The following PPP6C variants were observed in gnomAD, a reference collection of about 807,000 sequenced individuals.
PPP6C encodes protein phosphatase 6 catalytic subunit, also known as serine/threonine-protein phosphatase 6 catalytic subunit.
A neutral mutation model predicts 39.8 loss-of-function variants in PPP6C; 11 were observed. That is an observed-to-expected ratio of 0.28 (90% CI 0.17 to 0.46). The LOEUF (loss-of-function observed/expected upper bound fraction) is 0.46. PPP6C is among the 20% of genes least tolerant of loss of function. The pLI, the probability that PPP6C is intolerant of heterozygous loss-of-function variation, is 1.00. For missense variants in PPP6C, 211 were observed against 373.9 expected (o/e 0.56, Z 3.59); for synonymous variants, 129 against 130.3 (o/e 0.99, Z 0.07).
At chr9:125,185,226 C>A (rs1829500645) in intron 1 of PPP6C, among the ~76,000 whole-genome samples, 2 of 151,742 alleles carry the variant, frequency 1.3e-5, no homozygotes, top group Non-Finnish European at 2.9e-5. Context: ...ACACTGTGGT[C>A]CATTTACTTT....
At chr9:125,157,760 G>A (rs1253116927) in intron 4 of PPP6C, among the ~76,000 whole-genome samples, 1 of 147,410 alleles carries the variant, frequency 6.8e-6, no homozygotes, top group African/African-American at 2.5e-5. Context: ...GCATGATCTC[G>A]GCTCACCACA....
intron 1 of PPP6C, among the ~76,000 whole-genome samples, chr9:125,181,365 G>A (rs1829418577): frequency 6.6e-6 from 1 of 151,662 alleles, no homozygotes; most frequent in Admixed American, 6.6e-5. Context: ...CTTAAGTTCT[G>A]GGACACATGT....
chr9:125,152,212 G>T (rs1359867745), intron 6 of PPP6C, among the ~76,000 whole-genome samples: 1 of 152,032 alleles, frequency 6.6e-6, no homozygotes, highest in African/African-American at 2.4e-5. Context: ...ATGTAGCTTG[G>T]ATTCTCTTTT....
intron 6 of PPP6C, chr9:125,151,320 T>C: frequency 6.8e-7 from 1 of 1,460,034 alleles, no homozygotes; most frequent in East Asian, 2.3e-5. Flanking sequence ...TGTGGCACAA[T>C]CTGCCATGCA....
At chr9:125,159,656 A>G (rs1179154163) in intron 3 of PPP6C, among the ~76,000 whole-genome samples, 1 of 152,202 alleles carries the variant, frequency 6.6e-6, no homozygotes, top group Non-Finnish European at 1.5e-5. Flanking sequence ...ATAATATACT[A>G]TTTACACTTC....
At chr9:125,174,422 C>T (rs1829250712) in intron 1 of PPP6C, among the ~76,000 whole-genome samples, 1 of 149,786 alleles carries the variant, frequency 6.7e-6, no homozygotes, top group South Asian at 2.1e-4. Context: ...AATGATTTGC[C>T]TTCATTCCTA....
chr9:125,170,300 G>A (rs1829118861), intron 2 of PPP6C, among the ~76,000 whole-genome samples: 1 of 151,382 alleles, frequency 6.6e-6, no homozygotes, highest in African/African-American at 2.4e-5. Context: ...GCAGTGGTGC[G>A]GTCTCGGCTC....
At chr9:125,183,544 G>C (rs374614087) in intron 1 of PPP6C, among the ~76,000 whole-genome samples, 94 of 152,124 alleles carry the variant, frequency 6.2e-4, no homozygotes, top group African/African-American at 2.1e-3. Flanking sequence ...TAGTGTTCAT[G>C]CACCACCTAA....
At chr9:125,181,600 C>T (rs1829423096) in intron 1 of PPP6C, among the ~76,000 whole-genome samples, 1 of 152,204 alleles carries the variant, frequency 6.6e-6, no homozygotes, top group South Asian at 2.1e-4. Context: ...GTTTTCTGTT[C>T]CTGTGTTAGT....
At chr9:125,176,327 A>G (rs1189664784) in intron 1 of PPP6C, among the ~76,000 whole-genome samples, 1 of 152,160 alleles carries the variant, frequency 6.6e-6, no homozygotes, top group Non-Finnish European at 1.5e-5. Context: ...GAAGTTCTAG[A>G]GCAGAAGACT....
chr9:125,152,585 C>T (rs569213429), intron 6 of PPP6C, among the ~76,000 whole-genome samples: 85 of 152,240 alleles, frequency 5.6e-4, no homozygotes, highest in African/African-American at 2.0e-3. Context: ...AATCCCAGCA[C>T]CTTGGGAGAC....
intron 1 of PPP6C, among the ~76,000 whole-genome samples, chr9:125,186,720 A>G (rs78698851): frequency 0.027 from 4,159 of 151,942 alleles, 88 homozygotes; most frequent in Non-Finnish European, 0.041. Context: ...ACCACACTAC[A>G]GCATGGGTGA....
chr9:125,172,725 AC>A (rs1829200296), intron 1 of PPP6C, among the ~76,000 whole-genome samples: 2 of 120,498 alleles, frequency 1.7e-5, no homozygotes, highest in Non-Finnish European at 3.1e-5. Flanking sequence ...ACACAAACAC[AC>A]ACACACACAC....
chr9:125,186,777 T>C (rs1231993478), intron 1 of PPP6C, among the ~76,000 whole-genome samples: 7 of 151,256 alleles, frequency 4.6e-5, no homozygotes, highest in Non-Finnish European at 1.0e-4. Flanking sequence ...AGATTAAAAA[T>C]TTTTTTAAGA....
At chr9:125,164,131 A>C (rs118134697) in intron 2 of PPP6C, among the ~76,000 whole-genome samples, 2,287 of 148,230 alleles carry the variant, frequency 0.015, 109 homozygotes, top group East Asian at 0.084. Context: ...GCCACAGCAC[A>C]CGGCCCTATT....
rs771468480 is a variant in PPP6C, at chr9:125,153,490, A to C, written c.669+43T>G. Reference sequence around the variant, plus strand: ...GCCACCATAGTTCTCTATGCAGCCCATTAGCAATCCACAAATTACATTTCC... The same window carrying C: ...GCCACCATAGTTCTCTATGCAGCCCCTTAGCAATCCACAAATTACATTTCC... On this transcript the variant is annotated intron_variant, in intron 6 of 6. Coordinates refer to ENST00000373547, the MANE Select transcript of PPP6C (RefSeq NM_002721.5). 4 of 1,571,256 alleles carry C rather than the reference A, an allele frequency of 2.5e-6. No homozygotes were observed. The Admixed American group carries it at 5.2e-5, about 21-fold the overall frequency.
At position 125,149,562 on chromosome 9, in the gene PPP6C, G is replaced by C; in HGVS notation, c.*111C>G. 8.1e-7 allele frequency: 1 copy of C among 1,229,694 alleles called. No homozygotes were observed. Among genetic ancestry groups the C allele is most frequent in the Non-Finnish European group, 1.1e-6 (1 of 898,866 alleles). The allele number at this position is 1,229,694 out of a possible 1,614,324, so 76.2% of individuals were successfully genotyped here. On this transcript the variant is annotated 3_prime_UTR_variant, in exon 7 of 7. Coordinates refer to ENST00000373547, the MANE Select transcript of PPP6C (RefSeq NM_002721.5). ...AAATTTAAAAAAAAAAAGGCAAGAGGCAGCATTTCAGCAGCAAAGTGCTCA... is the reference window on the plus strand; with the variant it reads ...AAATTTAAAAAAAAAAAGGCAAGAGCCAGCATTTCAGCAGCAAAGTGCTCA...
intron 2 of PPP6C, among the ~76,000 whole-genome samples, chr9:125,161,198 CAATT>C (rs1009821760): frequency 2.0e-5 from 3 of 152,140 alleles, no homozygotes; most frequent in African/African-American, 7.2e-5. Context: ...CATCCTTTAT[CAATT>C]GTCTAATTTC....
At chr9:125,183,225 C>A (rs1450691975) in intron 1 of PPP6C, among the ~76,000 whole-genome samples, 1 of 152,166 alleles carries the variant, frequency 6.6e-6, no homozygotes, top group African/African-American at 2.4e-5. Flanking sequence ...TCTCATATCA[C>A]CGGGCCTACT....
Sources: allele counts gnomAD v4.1 joint callset (sites outside exome capture counted in the v4.1 genomes callset), GRCh38; gene constraint gnomAD v4.1.1; transcripts MANE v1.5; gene names NCBI Gene and HGNC (gene_info 2026-07-23, HGNC 2026-07-21).